RBMS3: variants seen among roughly 807,000 people sequenced by gnomAD.
RBMS3 encodes RNA-binding motif, single-stranded-interacting protein 3.
RBMS3 carries 27 observed loss-of-function variants against 66.8 expected under a neutral mutation model. The observed-to-expected ratio is 0.40, with a 90% confidence interval of 0.30 to 0.56. The LOEUF (loss-of-function observed/expected upper bound fraction) is 0.56. Ranked by LOEUF, RBMS3 falls within the 20% of genes least tolerant of loss-of-function variation. The pLI is 0.40. For synonymous variants in RBMS3, 188 were observed against 183.0 expected (o/e 1.03, Z -0.22); for missense variants, 513 against 549.5 (o/e 0.93, Z 0.66).
At chr3:29,415,552 G>A (rs2040444361) in intron 1 of RBMS3, among the ~76,000 whole-genome samples, 1 of 152,144 alleles carries the variant, frequency 6.6e-6, no homozygotes, top group African/African-American at 2.4e-5. Context: ...ATTAATTTTT[G>A]TTGGGGGAAG....
At chr3:29,559,946 C>T (rs1490918150) in intron 3 of RBMS3, among the ~76,000 whole-genome samples, 2 of 152,178 alleles carry the variant, frequency 1.3e-5, no homozygotes, top group Non-Finnish European at 2.9e-5. Flanking sequence ...TTCTGACATA[C>T]AAAAGCATCT....
chr3:29,623,981 C>G (rs1218639785), intron 4 of RBMS3, among the ~76,000 whole-genome samples: 1 of 152,174 alleles, frequency 6.6e-6, no homozygotes, highest in Non-Finnish European at 1.5e-5. Flanking sequence ...GCCAGTATGG[C>G]TATTATTCTA....
At chr3:29,820,455 A>T (rs1473192749) in intron 6 of RBMS3, among the ~76,000 whole-genome samples, 1 of 151,738 alleles carries the variant, frequency 6.6e-6, no homozygotes, top group African/African-American at 2.4e-5. Flanking sequence ...TTCCATGTTA[A>T]TTTTTCTGGT....
At chr3:29,990,570 C>T (rs920009047) in intron 13 of RBMS3, among the ~76,000 whole-genome samples, 2 of 151,148 alleles carry the variant, frequency 1.3e-5, no homozygotes, top group African/African-American at 2.4e-5. Context: ...GTTCATATAC[C>T]AGAAAACAAA....
At chr3:29,412,615 T>C (rs1010670868) in intron 1 of RBMS3, among the ~76,000 whole-genome samples, 3 of 152,140 alleles carry the variant, frequency 2.0e-5, no homozygotes, top group Admixed American at 6.5e-5. Flanking sequence ...CAGCCAAAGA[T>C]TAATTAAGTG....
chr3:29,878,152 A>G (rs1334466402), intron 7 of RBMS3, among the ~76,000 whole-genome samples: 2 of 152,044 alleles, frequency 1.3e-5, no homozygotes, highest in East Asian at 1.9e-4. Context: ...CAATCCAATG[A>G]GAATCGAATG....
intron 4 of RBMS3, among the ~76,000 whole-genome samples, chr3:29,618,807 A>T (rs2048764471): frequency 6.6e-6 from 1 of 152,212 alleles, no homozygotes; most frequent in African/African-American, 2.4e-5. Context: ...CGTGCAGCCC[A>T]TAGCAACTTT....
At chr3:29,896,448 A>G (rs997045002) in intron 8 of RBMS3, among the ~76,000 whole-genome samples, 10 of 151,412 alleles carry the variant, frequency 6.6e-5, no homozygotes, top group Non-Finnish European at 1.0e-4. Context: ...TCTCACATGC[A>G]TTTTTCCAAC....
intron 3 of RBMS3, among the ~76,000 whole-genome samples, chr3:29,538,052 A>G (rs951905835): frequency 1.3e-5 from 2 of 152,178 alleles, no homozygotes; most frequent in African/African-American, 2.4e-5. Flanking sequence ...GGCCTGTCAT[A>G]TTAACCCACT....
chr3:29,597,043 G>A (rs2047969087), intron 4 of RBMS3, among the ~76,000 whole-genome samples: 1 of 151,986 alleles, frequency 6.6e-6, no homozygotes, highest in Non-Finnish European at 1.5e-5. Context: ...GGGACAAGAT[G>A]GACATCTTTG....
chr3:29,891,438 T>C (rs6549959), intron 8 of RBMS3, among the ~76,000 whole-genome samples: 47,961 of 151,436 alleles, frequency 0.32, 8,084 homozygotes, highest in African/African-American at 0.44. Flanking sequence ...TACTTTTTAC[T>C]GTAGGCTAAC....
At chr3:29,831,204 T>C (rs1197748250) in intron 6 of RBMS3, among the ~76,000 whole-genome samples, 1 of 152,190 alleles carries the variant, frequency 6.6e-6, no homozygotes, top group East Asian at 1.9e-4. Context: ...TTAACTCTTA[T>C]TACAGGTTGA....
chr3:29,521,332 A>G (rs955302264), intron 3 of RBMS3, among the ~76,000 whole-genome samples: 1 of 152,144 alleles, frequency 6.6e-6, no homozygotes, highest in East Asian at 1.9e-4. Context: ...TTGTTACTTA[A>G]TATTTTGTTG....
At chr3:29,822,083 T>A (rs954738422) in intron 6 of RBMS3, among the ~76,000 whole-genome samples, 6 of 152,160 alleles carry the variant, frequency 3.9e-5, no homozygotes, top group Non-Finnish European at 7.4e-5. Context: ...AGGATGGTAA[T>A]CCTAAAACAC....
intron 1 of RBMS3, among the ~76,000 whole-genome samples, chr3:29,320,189 A>G (rs2125488250): frequency 6.6e-6 from 1 of 152,180 alleles, no homozygotes; most frequent in Middle Eastern, 3.4e-3. Context: ...TTACTGATGG[A>G]TAACAAGAAG....
intron 3 of RBMS3, among the ~76,000 whole-genome samples, chr3:29,509,326 G>A (rs1265901147): frequency 2.6e-5 from 4 of 152,054 alleles, no homozygotes; most frequent in South Asian, 2.1e-4. Context: ...TGCCTGTAAC[G>A]TAACAAGCAC....
chr3:29,388,303 C>T (rs1054544396), intron 1 of RBMS3, among the ~76,000 whole-genome samples: 2 of 152,162 alleles, frequency 1.3e-5, no homozygotes, highest in African/African-American at 4.8e-5. Flanking sequence ...AAAGTATAAA[C>T]TTCTGTGTGT....
At chr3:29,565,471 AT>A (rs1469258834) in intron 3 of RBMS3, among the ~76,000 whole-genome samples, 10 of 152,064 alleles carry the variant, frequency 6.6e-5, no homozygotes, top group Non-Finnish European at 1.3e-4. Context: ...TGATCTTGGT[AT>A]TTTTTGTCTC....
intron 4 of RBMS3, chr3:29,616,871 A>C (rs1030421359): frequency 1.3e-5 from 2 of 152,238 alleles, no homozygotes; most frequent in African/African-American, 4.8e-5. Context: ...TCAATAGTAA[A>C]GCCAAAAAAC....
Sources: allele counts gnomAD v4.1 joint callset (sites outside exome capture counted in the v4.1 genomes callset), GRCh38; gene constraint gnomAD v4.1.1; transcripts MANE v1.5; gene names NCBI Gene and HGNC (gene_info 2026-07-23, HGNC 2026-07-21).